SLCO1B1: variants seen among roughly 807,000 people sequenced by gnomAD.
The protein encoded by SLCO1B1 is OATP-2.
In SLCO1B1, 81 loss-of-function variants were observed where a neutral mutation model predicts 70.1. That is an observed-to-expected ratio of 1.16 (90% CI 0.97 to 1.39). The LOEUF (loss-of-function observed/expected upper bound fraction) is 1.39. Ranked by LOEUF, SLCO1B1 falls within the 40% of genes most tolerant of loss-of-function variation. The pLI, the probability that SLCO1B1 is intolerant of heterozygous loss-of-function variation, is 0.00. For synonymous variants in SLCO1B1, 283 were observed against 271.5 expected (o/e 1.04, Z -0.42); for missense variants, 895 against 799.6 (o/e 1.12, Z -1.44).
chr12:21,186,604 T>A (rs1285009608), intron 7 of SLCO1B1, among the ~76,000 whole-genome samples: 2 of 152,012 alleles, frequency 1.3e-5, no homozygotes, highest in East Asian at 3.9e-4. Context: ...TAATGCAGAT[T>A]GAGGTCTTCA....
At chr12:21,185,143 A>C (rs751484130) in intron 7 of SLCO1B1, among the ~76,000 whole-genome samples, 27 of 152,102 alleles carry the variant, frequency 1.8e-4, no homozygotes, top group Non-Finnish European at 3.4e-4. Flanking sequence ...GAAACTAAAA[A>C]CAGACAGCCA....
intron 2 of SLCO1B1, among the ~76,000 whole-genome samples, chr12:21,158,784 A>G (rs16923519): frequency 0.3 from 45,562 of 151,960 alleles, 7,720 homozygotes; most frequent in East Asian, 0.57. Flanking sequence ...TGATGCTCAT[A>G]CAAATACACA....
rs1378574395 is a variant in SLCO1B1, at chr12:21,239,464, A to G, written c.*275A>G. ...GTGAGAGACATGGTTACTGTGTAAT[A>G]AAAGAAAAAATACTTGTTCAGGTAA... On this transcript the variant is annotated 3_prime_UTR_variant, in exon 15 of 15. Coordinates refer to ENST00000256958, the MANE Select transcript of SLCO1B1 (RefSeq NM_006446.5). 1.3e-5 allele frequency among the ~76,000 whole-genome samples: 2 copies of G among 152,230 alleles called. No homozygotes were observed. Among genetic ancestry groups the G allele is most frequent in the Non-Finnish European group, 2.9e-5 (2 of 68,028 alleles).
intron 11 of SLCO1B1, among the ~76,000 whole-genome samples, chr12:21,210,646 T>G (rs952037996): frequency 1.3e-5 from 2 of 150,572 alleles, no homozygotes; most frequent in Admixed American, 1.3e-4. Flanking sequence ...TAAATTACCT[T>G]GGGCAGTATG....
At chr12:21,217,750 C>T (rs4149075) in intron 12 of SLCO1B1, among the ~76,000 whole-genome samples, 1 of 151,766 alleles carries the variant, frequency 6.6e-6, no homozygotes, top group African/African-American at 2.4e-5. Flanking sequence ...TTAATCGACT[C>T]ACAGCATGAC....
intron 12 of SLCO1B1, among the ~76,000 whole-genome samples, chr12:21,218,497 A>G (rs1393647422): frequency 6.6e-6 from 1 of 152,160 alleles, no homozygotes; most frequent in Non-Finnish European, 1.5e-5. Context: ...TGTTAACATT[A>G]GTATCAACCT....
In SLCO1B1 at chr12:21,202,644, G is replaced by T. The variant is rs143266211; in HGVS notation, c.1289G>T (p.Cys430Phe). The change falls in exon 10 of 15, where the codon TGT becomes TTT. Residue 430 changes from cysteine to phenylalanine, a missense_variant. Transcript: ENST00000256958. The part of the protein sequence containing the change: ...SFYLLYFFIL[C>F]ENKSVAGLTM... ...TACCTATTATATTTTTTCATACTCT[G>T]TGAAAACAAATCAGTTGCCGGACTA... 2.7e-5 allele frequency: 43 copies of T among 1,612,636 alleles called. No homozygotes were observed. In the Admixed American group the frequency reaches 5.8e-4, roughly 22 times the overall value.
intron 13 of SLCO1B1, among the ~76,000 whole-genome samples, chr12:21,223,175 G>C (rs1488133468): frequency 1.3e-5 from 2 of 151,906 alleles, no homozygotes; most frequent in African/African-American, 4.8e-5. Flanking sequence ...ATTTTTTTTA[G>C]CAATAGAAAA....
intron 14 of SLCO1B1, among the ~76,000 whole-genome samples, chr12:21,226,728 T>A (rs562902048): frequency 5.3e-4 from 81 of 151,708 alleles, no homozygotes; most frequent in African/African-American, 2.0e-3. Flanking sequence ...AATTTAATAA[T>A]AATGCATTCA....
At chr12:21,230,116 G>A (rs1261595690) in intron 14 of SLCO1B1, among the ~76,000 whole-genome samples, 1 of 152,094 alleles carries the variant, frequency 6.6e-6, no homozygotes, top group African/African-American at 2.4e-5. Flanking sequence ...ATCTATTGAT[G>A]TGATCATGTC....
intron 2 of SLCO1B1, among the ~76,000 whole-genome samples, chr12:21,149,019 C>G (rs1408979723): frequency 6.6e-6 from 1 of 152,090 alleles, no homozygotes; most frequent in Non-Finnish European, 1.5e-5. Flanking sequence ...ATTTGGCTCT[C>G]TGTTTGTCTA....
rs117493552 is a variant in SLCO1B1, at chr12:21,232,494, G to A, written c.1866-6485G>A. On this transcript the variant is annotated intron_variant, in intron 14 of 14. Transcript: ENST00000256958. Reference sequence around the variant, plus strand: ...GGAACACACAGCAAAGTTTGTAACCGACCAGCCCAAGAGGCTGGCTTAAAA... The same window carrying A: ...GGAACACACAGCAAAGTTTGTAACCAACCAGCCCAAGAGGCTGGCTTAAAA... 1.1e-3 allele frequency among the ~76,000 whole-genome samples: 168 copies of A among 152,236 alleles called. 1 individual carries two copies. Among genetic ancestry groups the A allele is most frequent in the Admixed American group, 2.2e-3 (33 of 15,292 alleles).
intron 2 of SLCO1B1, among the ~76,000 whole-genome samples, chr12:21,152,091 T>C (rs1306098514): frequency 2.0e-5 from 3 of 152,126 alleles, no homozygotes; most frequent in Non-Finnish European, 4.4e-5. Flanking sequence ...GTTATTTTTA[T>C]TTGCTTTTTA....
chr12:21,199,233 T>C (rs771875551), intron 8 of SLCO1B1, among the ~76,000 whole-genome samples: 8 of 152,264 alleles, frequency 5.3e-5, no homozygotes, highest in Admixed American at 1.3e-4. Context: ...GAAAAATATT[T>C]CAAAGTCCGT....
chr12:21,161,822 A>G (rs902681187), intron 2 of SLCO1B1, among the ~76,000 whole-genome samples: 2 of 152,132 alleles, frequency 1.3e-5, no homozygotes, highest in South Asian at 2.1e-4. Context: ...AGCCTGGCCA[A>G]CATGGTGAAA....
At chr12:21,190,434 A>C (rs1356683454) in intron 7 of SLCO1B1, among the ~76,000 whole-genome samples, 1 of 152,164 alleles carries the variant, frequency 6.6e-6, no homozygotes, top group African/African-American at 2.4e-5. Flanking sequence ...TTGGTAGGCC[A>C]GGGTCTACCA....
chr12:21,152,621 G>C (rs1285406600), intron 2 of SLCO1B1, among the ~76,000 whole-genome samples: 7 of 137,444 alleles, frequency 5.1e-5, no homozygotes, highest in African/African-American at 1.9e-4. Context: ...AATGGGTTTG[G>C]TAGAGTGAGA....
chr12:21,160,375 G>GA (rs947970102), intron 2 of SLCO1B1, among the ~76,000 whole-genome samples: 41 of 151,014 alleles, frequency 2.7e-4, no homozygotes, highest in African/African-American at 4.9e-4. Flanking sequence ...AAGCAATGGG[G>GA]AAAAAAAACC....
In SLCO1B1 at chr12:21,230,522, G is replaced by C. The variant is rs138156422; in HGVS notation, c.1865+5683G>C. 6.0e-3 allele frequency among the ~76,000 whole-genome samples: 915 copies of C among 151,930 alleles called. 13 individuals are homozygous for C. The highest frequency in any genetic ancestry group is 0.021 in the African/African-American group (888 of 41,422). On this transcript the variant is annotated intron_variant, in intron 14 of 14. Transcript: ENST00000256958. ...ATTTTGTACTTTTAGTAGAGACAAGGTTTCTCCACGTTGGTCAGGCTGGTC... is the reference window on the plus strand; with the variant it reads ...ATTTTGTACTTTTAGTAGAGACAAGCTTTCTCCACGTTGGTCAGGCTGGTC...
Sources: allele counts gnomAD v4.1 joint callset (sites outside exome capture counted in the v4.1 genomes callset), GRCh38; gene constraint gnomAD v4.1.1; transcripts MANE v1.5; gene names NCBI Gene and HGNC (gene_info 2026-07-23, HGNC 2026-07-21).